Variants in IL1RAPL1 observed in about 807,000 individuals in gnomAD.
IL1RAPL1 encodes the protein interleukin 1 receptor accessory protein like 1.
IL1RAPL1 carries 3 observed loss-of-function variants against 48.4 expected under a neutral mutation model. The observed-to-expected ratio is 0.06, with a 90% CI of 0.03 to 0.16. The LOEUF is 0.16. Ranked by LOEUF, IL1RAPL1 falls within the 10% of genes least tolerant of loss-of-function variation. The pLI, the probability that IL1RAPL1 is intolerant of heterozygous loss-of-function variation, is 1.00. For missense variants in IL1RAPL1, 349 were observed against 530.6 expected (o/e 0.66, Z 3.36); for synonymous variants, 185 against 187.7 (o/e 0.99, Z 0.12).
At chrX:29,584,520 T>G (rs1010118991) in intron 5 of IL1RAPL1, among the ~76,000 whole-genome samples, 7 of 111,547 alleles carry the variant, frequency 6.3e-5, no homozygotes, top group African/African-American at 2.3e-4. Context: ...CAAAGTGTAC[T>G]GGTGAAGTTG....
At chrX:29,663,989 T>A (rs957626241) in intron 5 of IL1RAPL1, among the ~76,000 whole-genome samples, 1 of 112,229 alleles carries the variant, frequency 8.9e-6, no homozygotes, top group Admixed American at 9.5e-5. Flanking sequence ...AGACTGAGAC[T>A]AAGAGATGTT....
chrX:29,500,334 T>C (rs1040039910), intron 5 of IL1RAPL1, among the ~76,000 whole-genome samples: 7 of 112,215 alleles, frequency 6.2e-5, no homozygotes, highest in South Asian at 3.7e-4. Context: ...TTGTTAACTA[T>C]AGTCACCCTA....
At chrX:29,863,534 G>C (rs900601024) in intron 6 of IL1RAPL1, among the ~76,000 whole-genome samples, 4 of 111,586 alleles carry the variant, frequency 3.6e-5, no homozygotes, top group Non-Finnish European at 7.5e-5. Context: ...AAGTCAGATG[G>C]GGACTTCATA....
At chrX:29,657,474 G>A (rs1044330470) in intron 5 of IL1RAPL1, among the ~76,000 whole-genome samples, 4 of 111,796 alleles carry the variant, frequency 3.6e-5, no homozygotes, top group Non-Finnish European at 7.5e-5. Flanking sequence ...GCAAGCATAT[G>A]TAAACCAACT....
At chrX:29,361,907 A>G (rs1242598522) in intron 3 of IL1RAPL1, among the ~76,000 whole-genome samples, 2 of 112,353 alleles carry the variant, frequency 1.8e-5, no homozygotes, top group Non-Finnish European at 3.8e-5. Context: ...TCTTAAATCA[A>G]TGGAGATGAC....
At chrX:29,179,331 C>T (rs1288555527) in intron 2 of IL1RAPL1, among the ~76,000 whole-genome samples, 1 of 111,339 alleles carries the variant, frequency 9.0e-6, no homozygotes, top group East Asian at 2.8e-4. Flanking sequence ...AAGTTGGATT[C>T]CTAGGTATTT....
chrX:28,600,125 C>T (rs1934005723), intron 1 of IL1RAPL1, among the ~76,000 whole-genome samples: 1 of 111,861 alleles, frequency 8.9e-6, no homozygotes, highest in African/African-American at 3.3e-5. Context: ...GAGTCTCTGA[C>T]AAGATCGTAT....
At chrX:29,279,846 C>G (rs1932173430) in intron 2 of IL1RAPL1, among the ~76,000 whole-genome samples, 1 of 111,881 alleles carries the variant, frequency 8.9e-6, no homozygotes, top group African/African-American at 3.2e-5. Context: ...CAACACAACT[C>G]TCTCTCTATT....
chrX:29,273,994 T>C (rs750962778), intron 2 of IL1RAPL1, among the ~76,000 whole-genome samples: 1 of 111,903 alleles, frequency 8.9e-6, no homozygotes, highest in South Asian at 3.7e-4. Flanking sequence ...TATGCCTCAA[T>C]ACAGCTGGAA....
chrX:29,484,424 C>T (rs12556285), intron 5 of IL1RAPL1, among the ~76,000 whole-genome samples: 46,211 of 110,307 alleles, frequency 0.42, 7,412 homozygotes, highest in East Asian at 0.7. Context: ...ATACGATCAA[C>T]ATATGAATTT....
chrX:29,401,462 A>G lies in IL1RAPL1; in HGVS notation c.703+2154A>G, dbSNP rs1327714585. ...TTTAAATGGTGTGACACTATAGCGC[A>G]TTTACTGTGGGGCCAAATTAAAGAG... On this transcript the variant is annotated intron_variant, in intron 5 of 10. Transcript: ENST00000378993. Among the ~76,000 whole-genome samples, 12 of 111,426 alleles carry G rather than the reference A, an allele frequency of 1.1e-4. No individual in the cohort carries two copies. In the East Asian group the frequency reaches 3.3e-3, roughly 31 times the overall value.
intron 2 of IL1RAPL1, among the ~76,000 whole-genome samples, chrX:28,901,722 C>A (rs1365412002): frequency 8.9e-6 from 1 of 111,883 alleles, no homozygotes; most frequent in Non-Finnish European, 1.9e-5. Flanking sequence ...CACACAAATT[C>A]ATCACATAAA....
intron 2 of IL1RAPL1, among the ~76,000 whole-genome samples, chrX:29,012,520 G>A (rs1166538418): frequency 1.8e-5 from 2 of 111,460 alleles, no homozygotes; most frequent in African/African-American, 6.5e-5. Flanking sequence ...CTCCAGCCTG[G>A]GCAACAAGAG....
chrX:28,814,255 T>G (rs188502872), intron 2 of IL1RAPL1, among the ~76,000 whole-genome samples: 1 of 109,895 alleles, frequency 9.1e-6, no homozygotes, highest in African/African-American at 3.3e-5. Flanking sequence ...TGCCACAGAC[T>G]CCCACTATTC....
intron 6 of IL1RAPL1, among the ~76,000 whole-genome samples, chrX:29,728,953 C>G (rs1927848079): frequency 9.0e-6 from 1 of 111,520 alleles, no homozygotes; most frequent in Non-Finnish European, 1.9e-5. Context: ...ATTATTCCTC[C>G]CAACATGGCT....
intron 2 of IL1RAPL1, among the ~76,000 whole-genome samples, chrX:28,852,057 T>A (rs1921675706): frequency 8.9e-6 from 1 of 111,899 alleles, no homozygotes; most frequent in South Asian, 3.7e-4. Context: ...GTAACTTTGT[T>A]CCACTCAGTT....
chrX:29,723,241 G>GTTTGT (rs974867262), intron 6 of IL1RAPL1, among the ~76,000 whole-genome samples: 1 of 111,732 alleles, frequency 8.9e-6, no homozygotes, highest in African/African-American at 3.2e-5. Context: ...AACTCTGCAT[G>GTTTGT]TTTGTTTTGT....
intron 2 of IL1RAPL1, among the ~76,000 whole-genome samples, chrX:28,812,633 G>A (rs1461375257): frequency 1.8e-5 from 2 of 110,992 alleles, no homozygotes; most frequent in African/African-American, 6.5e-5. Flanking sequence ...TCTTCAGTTT[G>A]CACATAAGCT....
At chrX:29,616,937 T>G (rs1569128980) in intron 5 of IL1RAPL1, among the ~76,000 whole-genome samples, 1 of 111,816 alleles carries the variant, frequency 8.9e-6, no homozygotes, top group Non-Finnish European at 1.9e-5. Flanking sequence ...ACTCATTAAT[T>G]GTATAACCAT....
Sources: allele counts gnomAD v4.1 joint callset (sites outside exome capture counted in the v4.1 genomes callset), GRCh38; gene constraint gnomAD v4.1.1; transcripts MANE v1.5; gene names NCBI Gene and HGNC (gene_info 2026-07-23, HGNC 2026-07-21).